Variants in ARHGAP20 observed in about 807,000 individuals in gnomAD.
ARHGAP20 encodes Rho GTPase activating protein 20, also known as rho GTPase-activating protein 20.
In ARHGAP20, 34 loss-of-function variants were observed where a neutral mutation model predicts 73.7. The ratio of observed to expected loss-of-function variants is 0.46; its 90% CI spans 0.35 to 0.61. The LOEUF (loss-of-function observed/expected upper bound fraction) is 0.61. Among genes scored for constraint, ARHGAP20 ranks in the 20% least tolerant of loss-of-function variants. The pLI is 0.00. For synonymous variants in ARHGAP20, 523 were observed against 518.2 expected (o/e 1.01, Z -0.13); for missense variants, 1,314 against 1,420.9 (o/e 0.92, Z 1.21).
At chr11:110,598,457 T>C (rs940079631) in intron 9 of ARHGAP20, among the ~76,000 whole-genome samples, 3 of 152,194 alleles carry the variant, frequency 2.0e-5, no homozygotes, top group African/African-American at 7.2e-5. Flanking sequence ...GAGTAAGCCA[T>C]TCAATCTTTC....
chr11:110,683,672 C>G (rs1017376710), intron 2 of ARHGAP20, among the ~76,000 whole-genome samples: 1 of 152,098 alleles, frequency 6.6e-6, no homozygotes, highest in African/African-American at 2.4e-5. Flanking sequence ...TCACACTATG[C>G]CCCATAAATA....
At chr11:110,640,773 G>T in intron 2 of ARHGAP20, among the ~76,000 whole-genome samples, 1 of 110,228 alleles carries the variant, frequency 9.1e-6, no homozygotes, top group African/African-American at 3.5e-5. Flanking sequence ...GGAGGGGGGA[G>T]GGACAGCATT....
chr11:110,641,558 G>C (rs1949078768), intron 2 of ARHGAP20, among the ~76,000 whole-genome samples: 1 of 151,964 alleles, frequency 6.6e-6, no homozygotes, highest in Non-Finnish European at 1.5e-5. Flanking sequence ...GAACTTCAAA[G>C]AGCCTCGTGA....
chr11:110,659,094 C>A (rs376782479), intron 2 of ARHGAP20, among the ~76,000 whole-genome samples: 4,027 of 148,950 alleles, frequency 0.027, 140 homozygotes, highest in African/African-American at 0.08. Flanking sequence ...ATGGCTGGGT[C>A]AAATGGTATT....
At chr11:110,628,524 A>C (rs908602569) in intron 3 of ARHGAP20, among the ~76,000 whole-genome samples, 30 of 152,170 alleles carry the variant, frequency 2.0e-4, no homozygotes, top group African/African-American at 7.0e-4. Flanking sequence ...ATTTAATAAT[A>C]ATAATAATCA....
chr11:110,616,392 G>A (rs1948482819), intron 4 of ARHGAP20, among the ~76,000 whole-genome samples: 1 of 151,998 alleles, frequency 6.6e-6, no homozygotes, highest in South Asian at 2.1e-4. Flanking sequence ...TATTTTTAAA[G>A]ACAGGGGTCT....
chr11:110,669,077 A>G (rs1243310887), intron 2 of ARHGAP20, among the ~76,000 whole-genome samples: 1 of 152,194 alleles, frequency 6.6e-6, no homozygotes, highest in East Asian at 1.9e-4. Flanking sequence ...ATTAAATAGA[A>G]CACAGAATGA....
chr11:110,600,163 G>C (rs1342523260), intron 9 of ARHGAP20, among the ~76,000 whole-genome samples: 3 of 152,272 alleles, frequency 2.0e-5, no homozygotes, highest in African/African-American at 4.8e-5. Context: ...GGCTGAAAGA[G>C]TGGTAACACA....
chr11:110,635,389 A>C (rs1207241144), intron 2 of ARHGAP20, among the ~76,000 whole-genome samples: 1 of 152,132 alleles, frequency 6.6e-6, no homozygotes, highest in Non-Finnish European at 1.5e-5. Context: ...GGTGATTCTA[A>C]TGCACATTGA....
At chr11:110,583,504 G>T in intron 13 of ARHGAP20, 44 bp downstream of exon 13, 1 of 1,451,062 alleles carries the variant, frequency 6.9e-7, no homozygotes, top group African/African-American at 1.4e-5. Context: ...GTTTCAAAAC[G>T]GGGACTCAGT....
intron 2 of ARHGAP20, among the ~76,000 whole-genome samples, chr11:110,655,466 C>T (rs569618591): frequency 1.3e-5 from 2 of 152,320 alleles, no homozygotes; most frequent in South Asian, 2.1e-4. Flanking sequence ...GGAACATTAA[C>T]GTAAGCTCCG....
intron 2 of ARHGAP20, among the ~76,000 whole-genome samples, chr11:110,674,045 T>G (rs1456057395): frequency 1.3e-5 from 2 of 151,964 alleles, no homozygotes; most frequent in African/African-American, 4.8e-5. Context: ...TTCAAGCAAT[T>G]CTCTTGCCTC....
chr11:110,662,761 T>C (rs993957596), intron 2 of ARHGAP20, among the ~76,000 whole-genome samples: 3 of 151,912 alleles, frequency 2.0e-5, no homozygotes, highest in African/African-American at 7.2e-5. Flanking sequence ...ACATACTTTT[T>C]CTCTAAAGAT....
At position 110,580,892 on chromosome 11, in the gene ARHGAP20, T is replaced by C. The variant is rs775265697; in HGVS notation, c.2054A>G (p.Tyr685Cys). The C allele has an allele frequency of 1.9e-5, 31 of 1,612,886 alleles. No individual in the cohort carries two copies. Among genetic ancestry groups the C allele is most frequent in the Non-Finnish European group, 2.5e-5 (30 of 1,179,000 alleles). Residue 685 changes from tyrosine (Y) to cysteine (C), a missense_variant, in exon 15 of 15, where the codon TAC becomes TGC. Coordinates refer to ENST00000683387, the MANE Select transcript of ARHGAP20 (RefSeq NM_001384657.1). ...RAPSAMCTPS[Y>C]LSTAAANAAK... is the part of the protein sequence containing the mutation. ...AGCATTTGCTGCAGCTGTGGACAGGTAGCTGGGTGTGCACATGGCAGATGG... is the reference window on the plus strand; with the variant it reads ...AGCATTTGCTGCAGCTGTGGACAGGCAGCTGGGTGTGCACATGGCAGATGG...
At chr11:110,665,266 T>C (rs1467706886) in intron 2 of ARHGAP20, among the ~76,000 whole-genome samples, 1 of 151,964 alleles carries the variant, frequency 6.6e-6, no homozygotes, top group African/African-American at 2.4e-5. Flanking sequence ...AGGTCTAAAA[T>C]CAATAATCTG....
chr11:110,580,152 T>A lies in ARHGAP20; in HGVS notation c.2794A>T (p.Arg932Trp). 6.2e-7 allele frequency: 1 copy of A among 1,614,182 alleles called. No homozygotes were observed. Among genetic ancestry groups the A allele is most frequent in the Non-Finnish European group, 8.5e-7 (1 of 1,180,028 alleles). Reference sequence around the variant, plus strand: ...GAGGATAAGCTGGAATAGCTGGTCCTTGGGCAAAGGTTTAATCTTGGGGGT... The same window carrying A: ...GAGGATAAGCTGGAATAGCTGGTCCATGGGCAAAGGTTTAATCTTGGGGGT... ...VLPPRLNLCP[R>W]TSYSSLSSPG... The change falls in exon 15 of 15, where the codon AGG (arginine) becomes TGG (tryptophan). Residue 932 changes from arginine to tryptophan, a missense_variant. Around this residue, in one of 3 missense-constraint regions of ARHGAP20, gnomAD observed 641 missense variants for 636.9 expected, o/e 1.01. Transcript: ENST00000683387.
At chr11:110,680,314 C>A (rs1950013547) in intron 2 of ARHGAP20, among the ~76,000 whole-genome samples, 1 of 151,974 alleles carries the variant, frequency 6.6e-6, no homozygotes, top group African/African-American at 2.4e-5. Context: ...ACTTTCTTAA[C>A]CACAATAATA....
Position 110,580,507 on chromosome 11 carries a change from A to G in ARHGAP20, c.2439T>C (p.Asp813=), listed in dbSNP as rs1263997267. The change falls in exon 15 of 15, where the codon GAT becomes GAC. Residue 813 remains aspartate, a synonymous_variant. Transcript: ENST00000683387. ...VASYSPMSSQ[D]HSKNQPFDVN... is the part of the protein sequence containing the mutation. ...CATCAAAGGGCTGGTTCTTGGAATG[A>G]TCCTGTGAGGACATAGGACTATAAG... 6.2e-7 allele frequency: 1 copy of G among 1,614,094 alleles called. No homozygotes were observed. Among genetic ancestry groups the G allele is most frequent in the Non-Finnish European group, 8.5e-7 (1 of 1,180,016 alleles).
chr11:110,590,532 T>C, intron 11 of ARHGAP20, 116 bp downstream of exon 11: 1 of 1,113,822 alleles, frequency 9.0e-7, no homozygotes. Context: ...AAAAATTATG[T>C]TAATAAATCT....
Sources: gnomAD v4.1 joint callset for allele counts (sites outside exome capture counted in the v4.1 genomes callset) on GRCh38, gnomAD v4.1.1 for gene constraint, gnomAD v4.1.1 regional missense constraint, MANE v1.5 for transcripts, NCBI Gene and HGNC (gene_info 2026-07-23, HGNC 2026-07-21) for gene names.